Variants in SLC25A48 observed in about 807,000 individuals in gnomAD.
SLC25A48 encodes the protein CTC-321K16.1.
A neutral mutation model predicts 32.2 loss-of-function variants in SLC25A48; 29 were observed. The ratio of observed to expected loss-of-function variants is 0.90; its 90% CI spans 0.67 to 1.23. The LOEUF (loss-of-function observed/expected upper bound fraction) is 1.23, where lower values mean the gene tolerates loss of function less well. SLC25A48 is among the 50% of genes most tolerant of loss of function. The probability of loss-of-function intolerance (pLI) is 0.00; values close to 1 mark genes in which losing one functional copy is unlikely to be tolerated. For synonymous variants in SLC25A48, 164 were observed against 172.3 expected (o/e 0.95, Z 0.38); for missense variants, 399 against 422.7 (o/e 0.94, Z 0.49).
At chr5:135,678,086 TC>T (rs1358726155) in intron 3 of SLC25A48, among the ~76,000 whole-genome samples, 1 of 152,226 alleles carries the variant, frequency 6.6e-6, no homozygotes, top group Non-Finnish European at 1.5e-5. Context: ...AGAGTTTTCA[TC>T]ATTACTTTGT....
At position 135,779,507 on chromosome 5, in the gene SLC25A48, TTG is replaced by T. The variant is rs1281173529; in HGVS notation, c.-520-33015_-520-33014del. ...AGAGAGGATGATATTACTCCCAATA[TTG>T]CAGGGGGTGTACATGCCCCCCTGTG... On this transcript the variant is annotated intron_variant, in intron 3 of 10. Transcript: ENST00000646290. 5.5e-3 allele frequency among the ~76,000 whole-genome samples: 670 copies of T among 121,694 alleles called. 16 individuals carry two copies. The highest frequency in any genetic ancestry group is 9.4e-3 in the South Asian group (34 of 3,618). The allele number at this position is 121,694 out of a possible 152,430, so 79.8% of individuals were successfully genotyped here. A position where few individuals can be genotyped will look rare whatever the true frequency, so the allele number is the denominator to read the frequency against.
intron 3 of SLC25A48, among the ~76,000 whole-genome samples, chr5:135,789,775 G>A (rs1294260461): frequency 4.6e-5 from 7 of 152,048 alleles, no homozygotes; most frequent in East Asian, 3.9e-4. Flanking sequence ...TGTACCTTGC[G>A]ATATGGGGAG....
chr5:135,751,889 A>G (rs1459859429), intron 3 of SLC25A48, among the ~76,000 whole-genome samples: 2 of 152,216 alleles, frequency 1.3e-5, no homozygotes, highest in African/African-American at 4.8e-5. Context: ...CTGATTTTCA[A>G]TGAAGGTTCA....
chr5:135,660,401 T>C (rs1435263143), intron 3 of SLC25A48, among the ~76,000 whole-genome samples: 1 of 152,180 alleles, frequency 6.6e-6, no homozygotes, highest in Non-Finnish European at 1.5e-5. Context: ...TTGAAAGACA[T>C]GGTATTCATC....
At chr5:135,843,886 G>T (rs1212458966) in intron 2 of SLC25A48, among the ~76,000 whole-genome samples, 1 of 152,172 alleles carries the variant, frequency 6.6e-6, no homozygotes, top group Non-Finnish European at 1.5e-5. Flanking sequence ...CTTGCTGCGT[G>T]CCTCCTGCCA....
At chr5:135,685,879 C>A (rs889386018) in intron 3 of SLC25A48, among the ~76,000 whole-genome samples, 2 of 152,240 alleles carry the variant, frequency 1.3e-5, no homozygotes, top group Admixed American at 1.3e-4. Context: ...AGCAGCCCAG[C>A]AAGTCCTGCA....
chr5:135,680,845 A>G (rs1468999829), intron 3 of SLC25A48, among the ~76,000 whole-genome samples: 1 of 151,994 alleles, frequency 6.6e-6, no homozygotes, highest in Non-Finnish European at 1.5e-5. Flanking sequence ...TCTTTAAGCA[A>G]TTTTTTGTCC....
At chr5:135,739,504 G>A (rs977986051) in intron 3 of SLC25A48, among the ~76,000 whole-genome samples, 5 of 152,126 alleles carry the variant, frequency 3.3e-5, no homozygotes, top group Non-Finnish European at 7.3e-5. Flanking sequence ...ATCCAAGGCC[G>A]TTTGGCAATG....
In SLC25A48 at chr5:135,716,374, T is replaced by G. The variant is rs185650509; in HGVS notation, c.-521+81418T>G. Among the ~76,000 whole-genome samples, 15 of 152,312 alleles carry G rather than the reference T, an allele frequency of 9.8e-5. No homozygotes were observed. In the East Asian group the frequency reaches 2.9e-3, roughly 29 times the overall value. ...GTTGGGTTTTTTATCAACACATTTA[T>G]ATGGGCCAGCAGGTGCATGGTAATC... is the stretch of plus-strand genomic sequence containing the variant. On this transcript the variant is annotated intron_variant, in intron 3 of 10. Transcript: ENST00000646290.
At chr5:135,852,418 C>A (rs1048383863) in intron 3 of SLC25A48, 145 bp from the exon 4 acceptor site, 2 of 1,011,124 alleles carry the variant, frequency 2.0e-6, no homozygotes, top group Non-Finnish European at 1.4e-6. Context: ...TTCCCCACCC[C>A]CTACCTCCTG....
chr5:135,627,358 C>T (rs1483684551), intron 1 of SLC25A48, among the ~76,000 whole-genome samples: 2 of 152,106 alleles, frequency 1.3e-5, no homozygotes, highest in Admixed American at 1.3e-4. Flanking sequence ...TTCTATTATC[C>T]ATGGCCAGCC....
chr5:135,648,000 A>G (rs576086094), intron 3 of SLC25A48, among the ~76,000 whole-genome samples: 1 of 152,244 alleles, frequency 6.6e-6, no homozygotes, highest in African/African-American at 2.4e-5. Flanking sequence ...CTGGCTTTGC[A>G]CTAGACTCTT....
chr5:135,871,367 A>G, intron 4 of SLC25A48, 94 bp from the exon 5 acceptor site: 1 of 1,424,920 alleles, frequency 7.0e-7, no homozygotes. Context: ...CATGAGAGGG[A>G]ACTGTCAAAG....
chr5:135,804,038 C>T (rs530780268), intron 3 of SLC25A48, among the ~76,000 whole-genome samples: 13 of 151,582 alleles, frequency 8.6e-5, no homozygotes, highest in African/African-American at 3.1e-4. Flanking sequence ...TATTAGGAAT[C>T]ATATCTCCCT....
In SLC25A48 at chr5:135,759,380, CA is replaced by C. The variant is rs964635043; in HGVS notation, c.-520-53142del. Among the ~76,000 whole-genome samples the C allele has an allele frequency of 1.1e-4, 17 of 152,206 alleles. No homozygotes were observed. In the East Asian group the frequency reaches 3.1e-3, roughly 28 times the overall value. On this transcript the variant is annotated intron_variant, in intron 3 of 10. Coordinates refer to the SLC25A48 transcript ENST00000646290. ...ACGGATGTACCATTATTTATTTGAC[CA>C]TTCTCTATGGCTGAGCATTTGAGTT...
intron 3 of SLC25A48, among the ~76,000 whole-genome samples, chr5:135,751,015 G>A (rs561310603): frequency 2.0e-5 from 3 of 152,260 alleles, no homozygotes; most frequent in South Asian, 4.2e-4. Flanking sequence ...TTAAACCAGC[G>A]GCCCTGAGAC....
intron 2 of SLC25A48, among the ~76,000 whole-genome samples, chr5:135,846,108 G>A (rs757582621): frequency 9.9e-5 from 15 of 152,140 alleles, no homozygotes; most frequent in Non-Finnish European, 1.5e-4. Flanking sequence ...TTAGATTCTC[G>A]TAAGAGCACA....
At chr5:135,670,864 C>T (rs557923923) in intron 3 of SLC25A48, among the ~76,000 whole-genome samples, 1 of 152,310 alleles carries the variant, frequency 6.6e-6, no homozygotes, top group East Asian at 1.9e-4. Context: ...TTGTCTCATA[C>T]TAATGAATAG....
chr5:135,816,363 G>A (rs772699680), intron 4 of SLC25A48, among the ~76,000 whole-genome samples: 5 of 152,156 alleles, frequency 3.3e-5, no homozygotes, highest in Non-Finnish European at 7.3e-5. Flanking sequence ...TAACCTGTGT[G>A]TCATCTAAAA....
Sources: gnomAD v4.1 joint callset for allele counts (sites outside exome capture counted in the v4.1 genomes callset) on GRCh38, gnomAD v4.1.1 for gene constraint, MANE v1.5 for transcripts, NCBI Gene and HGNC (gene_info 2026-07-23, HGNC 2026-07-21) for gene names.